SLC23A2: variants seen among roughly 807,000 people sequenced by gnomAD.
The protein encoded by SLC23A2 is Na(+)/L-ascorbic acid transporter 2.
SLC23A2 carries 36 observed loss-of-function variants against 73.3 expected under a neutral mutation model. That is an observed-to-expected ratio of 0.49 (90% CI 0.38 to 0.65). The LOEUF is 0.65. SLC23A2 is among the 30% of genes least tolerant of loss of function. SLC23A2 has a pLI of 0.00. For synonymous variants in SLC23A2, 343 were observed against 327.3 expected, an observed-to-expected ratio of 1.05 and a Z score of -0.52; for missense variants, 507 against 841.6, an observed-to-expected ratio of 0.60 and a Z score of 4.92.
chr20:4,905,345 C>T (rs942354209), intron 4 of SLC23A2, among the ~76,000 whole-genome samples: 2 of 152,116 alleles, frequency 1.3e-5, no homozygotes, highest in East Asian at 3.9e-4. Context: ...GACGCTGTGC[C>T]CCCCCTCCTG....
chr20:4,993,626 A>G (rs2087968130), intron 1 of SLC23A2, among the ~76,000 whole-genome samples: 1 of 152,158 alleles, frequency 6.6e-6, no homozygotes, highest in Admixed American at 6.6e-5. Context: ...AGAAATTCAC[A>G]TTAATTTTAG....
intron 3 of SLC23A2, among the ~76,000 whole-genome samples, chr20:4,928,730 TCTA>T (rs1333592486): frequency 6.6e-6 from 1 of 152,356 alleles, no homozygotes; most frequent in East Asian, 1.9e-4. Context: ...ATTAAATGGC[TCTA>T]CTGTTAAATC....
chr20:4,986,740 G>A (rs912316448), intron 1 of SLC23A2, among the ~76,000 whole-genome samples: 1 of 146,466 alleles, frequency 6.8e-6, no homozygotes, highest in African/African-American at 2.5e-5. Flanking sequence ...AAAAAGTCTG[G>A]AAAATATATT....
intron 2 of SLC23A2, among the ~76,000 whole-genome samples, chr20:4,941,417 T>C (rs1462355458): frequency 6.6e-6 from 1 of 152,044 alleles, no homozygotes; most frequent in Non-Finnish European, 1.5e-5. Context: ...TACCATATTG[T>C]ACACTCAAAA....
chr20:4,985,833 G>A (rs1414696727), intron 1 of SLC23A2, among the ~76,000 whole-genome samples: 1 of 152,152 alleles, frequency 6.6e-6, no homozygotes, highest in Non-Finnish European at 1.5e-5. Flanking sequence ...GCCAGAGGCT[G>A]GGTGAAAAGG....
At chr20:4,954,426 G>T (rs1347703197) in intron 2 of SLC23A2, among the ~76,000 whole-genome samples, 1 of 152,176 alleles carries the variant, frequency 6.6e-6, no homozygotes, top group African/African-American at 2.4e-5. Context: ...GCTGGGTGCA[G>T]TGGCTCATGC....
chr20:4,971,686 C>G (rs2087563322), intron 1 of SLC23A2, among the ~76,000 whole-genome samples: 1 of 151,076 alleles, frequency 6.6e-6, no homozygotes, highest in Non-Finnish European at 1.5e-5. Context: ...ACTCAGGAGG[C>G]TGAGGCAGGA....
chr20:4,852,684 T>A lies in SLC23A2; in HGVS notation c.*4288A>T, dbSNP rs1344779176. On this transcript the variant is annotated 3_prime_UTR_variant, in exon 17 of 17. Transcript: ENST00000338244. This position sits in a 1 kb window ranked among gnomAD's most constrained non-coding sequence, Gnocchi z 4.3. ...GAAAATATAGGCATCCCCACTGTTT[T>A]AAGAACAGTCAGAAATGTATTAAGG... The A allele has an allele frequency of 6.6e-6, 1 of 152,498 alleles. No individual in the cohort carries two copies. The highest frequency in any genetic ancestry group is 2.4e-5 in the African/African-American group (1 of 41,458). The allele number at this position is 152,498 out of a possible 1,614,324, so 9.4% of individuals were successfully genotyped here.
At chr20:4,966,008 C>T (rs984579271) in intron 2 of SLC23A2, among the ~76,000 whole-genome samples, 2 of 150,452 alleles carry the variant, frequency 1.3e-5, no homozygotes, top group South Asian at 2.1e-4. Flanking sequence ...ATCAAGGCTG[C>T]GGTGAGCTAT....
intron 2 of SLC23A2, among the ~76,000 whole-genome samples, chr20:4,963,258 C>T (rs2122191740): frequency 6.6e-6 from 1 of 152,298 alleles, no homozygotes; most frequent in South Asian, 2.1e-4. Context: ...TTATGCTTTT[C>T]TCAAGTTCAT....
intron 3 of SLC23A2, among the ~76,000 whole-genome samples, chr20:4,917,577 T>A (rs192861347): frequency 9.2e-5 from 14 of 152,116 alleles, no homozygotes; most frequent in Non-Finnish European, 7.4e-5. Flanking sequence ...ACAGAAATCA[T>A]CCAAAAAAGG....
rs79672058 is a variant in SLC23A2, at chr20:4,866,141, C to T, written c.1356+1629G>A. Among the ~76,000 whole-genome samples, 1,100 of 152,256 alleles carry T rather than the reference C, an allele frequency of 7.2e-3. 6 individuals are homozygous for T. The highest frequency in any genetic ancestry group is 0.034 in the Middle Eastern group (10 of 292). On this transcript the variant is annotated intron_variant, in intron 13 of 16. Transcript: ENST00000338244. ...AGCCACCGTACCCAGCCAATATCCT[C>T]CCATATACTTTAAATCATCTCGACA...
chr20:4,996,685 CAAAAAAA>C (rs1555809857), intron 1 of SLC23A2, among the ~76,000 whole-genome samples: 1,785 of 54,738 alleles, frequency 0.033, 48 homozygotes, highest in African/African-American at 0.12. Flanking sequence ...GATTCCATCT[CAAAAAAA>C]AAAAAAAAAA....
chr20:4,884,816 T>G lies in SLC23A2; in HGVS notation c.579A>C (p.Ser193=). ...DKWKCNTTDV[S]VANGTAELLH... ...ACAGCTCTGCTGTTCCATTGGCAAC[T>G]GAAACATCTTGAAAACAAAAACAAA... is the stretch of plus-strand genomic sequence containing the variant. Residue 193 remains serine, a synonymous_variant, in exon 8 of 17, where the codon TCA becomes TCC. Transcript: ENST00000338244. 1.3e-6 allele frequency: 2 copies of G among 1,551,112 alleles called. No individual in the cohort carries two copies. Among genetic ancestry groups the G allele is most frequent in the Non-Finnish European group, 1.7e-6 (2 of 1,152,992 alleles).
At chr20:4,988,191 A>G (rs1182830815) in intron 1 of SLC23A2, among the ~76,000 whole-genome samples, 1 of 151,634 alleles carries the variant, frequency 6.6e-6, no homozygotes, top group Non-Finnish European at 1.5e-5. Flanking sequence ...AATCCCAGCT[A>G]CTCAGGAGGC....
chr20:4,982,413 A>T (rs552770651), intron 1 of SLC23A2, among the ~76,000 whole-genome samples: 1 of 152,336 alleles, frequency 6.6e-6, no homozygotes, highest in East Asian at 1.9e-4. Context: ...TTTCAGTTAA[A>T]AATATGTAAT....
intron 1 of SLC23A2, among the ~76,000 whole-genome samples, chr20:4,996,685 C>CAAA (rs1555809857): frequency 0.014 from 734 of 54,136 alleles, 12 homozygotes; most frequent in Non-Finnish European, 0.016. Context: ...GATTCCATCT[C>CAAA]AAAAAAAAAA....
intron 3 of SLC23A2, among the ~76,000 whole-genome samples, chr20:4,931,716 C>T (rs573705811): frequency 6.6e-5 from 10 of 152,162 alleles, no homozygotes; most frequent in Admixed American, 5.2e-4. Flanking sequence ...CTGCAGTGAG[C>T]TTTAAGGGTG....
chr20:4,909,051 A>C (rs1170077341), intron 4 of SLC23A2, among the ~76,000 whole-genome samples: 2 of 152,232 alleles, frequency 1.3e-5, no homozygotes, highest in African/African-American at 4.8e-5. Flanking sequence ...CAGCTCAAAA[A>C]TAATAATATG....
Sources: allele counts gnomAD v4.1 joint callset (sites outside exome capture counted in the v4.1 genomes callset), GRCh38; gene constraint gnomAD v4.1.1; non-coding constraint Gnocchi (gnomAD v3.1); transcripts MANE v1.5; gene names NCBI Gene and HGNC (gene_info 2026-07-23, HGNC 2026-07-21).